ZNF732: variants seen among roughly 807,000 people sequenced by gnomAD.
The protein encoded by ZNF732 is zinc finger protein 732, also known as zinc finger protein LOC654254.
ZNF732 carries 12 observed loss-of-function variants against 11.5 expected under a neutral mutation model. The ratio of observed to expected loss-of-function variants is 1.05; its 90% CI spans 0.67 to 1.70. ZNF732 has a LOEUF of 1.70. ZNF732 is among the 40% of genes most tolerant of loss of function. The pLI is 0.00. For missense variants in ZNF732, 702 were observed against 676.9 expected (o/e 1.04, Z -0.41); for synonymous variants, 231 against 236.5 (o/e 0.98, Z 0.21).
intron 3 of ZNF732, among the ~76,000 whole-genome samples, chr4:284,891 A>AG (rs1553840428): frequency 0.032 from 4,018 of 127,072 alleles, 62 homozygotes; most frequent in African/African-American, 0.072. Context: ...AAAAAAAAAA[A>AG]AAGAAGAAGA....
Position 295,550 on chromosome 4 carries a change from A to T in ZNF732, c.131-17T>A. On this transcript the variant is annotated splice_polypyrimidine_tract_variant and intron_variant, in intron 2 of 3. Coordinates refer to ENST00000419098, the MANE Select transcript of ZNF732 (RefSeq NM_001137608.3). The stretch of plus-strand genomic sequence containing the variant: ...TAGCAACACCTGTTTATTTTAAAAA[A>T]TTAACATGCTACTGTTAGGGATTCT... 1 of 1,591,378 alleles carries T rather than the reference A, an allele frequency of 6.3e-7. No individual in the cohort carries two copies. The highest frequency in any genetic ancestry group is 2.3e-5 in the East Asian group (1 of 44,400).
intron 1 of ZNF732, among the ~76,000 whole-genome samples, chr4:299,437 A>ATATATATATATACACATATG (rs1560165207): frequency 1.7e-4 from 2 of 11,914 alleles, no homozygotes; most frequent in Non-Finnish European, 2.7e-4. Flanking sequence ...ACATATGTGT[A>ATATATATATATACACATATG]TATATATATA....
Position 304,731 on chromosome 4 carries a change from A to C in ZNF732, c.3+577T>G, listed in dbSNP as rs1184391084. ...GTGCGCGCCCACACCAGCGTATTCT[A>C]AAAGATGCCACTCAGGAACAGCCAC... On this transcript the variant is annotated intron_variant, in intron 1 of 3. Coordinates refer to ENST00000419098, the MANE Select transcript of ZNF732 (RefSeq NM_001137608.3). 7.9e-5 allele frequency among the ~76,000 whole-genome samples: 12 copies of C among 152,362 alleles called. 1 individual carries two copies. The highest frequency in any genetic ancestry group is 2.9e-4 in the African/African-American group (12 of 41,600).
chr4:296,590 G>A (rs1489429505), intron 1 of ZNF732, among the ~76,000 whole-genome samples: 2 of 152,168 alleles, frequency 1.3e-5, no homozygotes, highest in African/African-American at 2.4e-5. Context: ...AATTGTCCGT[G>A]TGATCCTACT....
At chr4:279,167 A>G (rs1295391262) in intron 3 of ZNF732, among the ~76,000 whole-genome samples, 1 of 151,922 alleles carries the variant, frequency 6.6e-6, no homozygotes, top group Non-Finnish European at 1.5e-5. Context: ...GGCCGGGTGC[A>G]GTGGCTCATG....
chr4:302,287 T>TA (rs1720133417), intron 1 of ZNF732, among the ~76,000 whole-genome samples: 1 of 152,144 alleles, frequency 6.6e-6, no homozygotes, highest in Admixed American at 6.5e-5. Flanking sequence ...TCTCCAATCC[T>TA]AAAAAACTCC....
intron 1 of ZNF732, among the ~76,000 whole-genome samples, chr4:303,193 T>G (rs1344776368): frequency 6.6e-6 from 1 of 152,192 alleles, no homozygotes; most frequent in African/African-American, 2.4e-5. Flanking sequence ...TTTTAACTTT[T>G]TGCCTACTTT....
In ZNF732 at chr4:297,091, A is replaced by G. The variant is rs1719969572; in HGVS notation, c.4-936T>C. 2.6e-5 allele frequency among the ~76,000 whole-genome samples: 4 copies of G among 152,108 alleles called. No homozygotes were observed. In the South Asian group the frequency reaches 8.3e-4, roughly 31 times the overall value. On this transcript the variant is annotated intron_variant, in intron 1 of 3. Transcript: ENST00000419098. ...GAGACCACCCTGGCCAATATGGTGA[A>G]ACCCTGTCTCTACTAAAAATACAAA...
At chr4:278,737 C>T (rs77511484) in intron 3 of ZNF732, among the ~76,000 whole-genome samples, 8 of 152,180 alleles carry the variant, frequency 5.3e-5, no homozygotes, top group Non-Finnish European at 1.0e-4. Context: ...CAGACCATGC[C>T]GAAGCTACAT....
At chr4:299,350 T>TATAC (rs1163427195) in intron 1 of ZNF732, among the ~76,000 whole-genome samples, 1 of 125,890 alleles carries the variant, frequency 7.9e-6, no homozygotes, top group South Asian at 2.3e-4. Flanking sequence ...TGAGTATATA[T>TATAC]ACACATATAT....
intron 1 of ZNF732, among the ~76,000 whole-genome samples, chr4:299,444 T>TATATACACATATGTGTATATATATACAC (rs1553843187): frequency 3.0e-5 from 1 of 33,868 alleles, no homozygotes; most frequent in Non-Finnish European, 5.6e-5. Context: ...TGTATATATA[T>TATATACACATATGTGTATATATATACAC]ATATATACAC....
At chr4:283,833 A>T (rs1285765443) in intron 3 of ZNF732, among the ~76,000 whole-genome samples, 1 of 152,240 alleles carries the variant, frequency 6.6e-6, no homozygotes, top group African/African-American at 2.4e-5. Flanking sequence ...TCTAGCATAC[A>T]TCATAAATCT....
intron 3 of ZNF732, among the ~76,000 whole-genome samples, chr4:283,664 G>T (rs1719662185): frequency 1.3e-5 from 2 of 152,172 alleles, no homozygotes; most frequent in South Asian, 2.1e-4. Context: ...AATACTGGGG[G>T]ACTATATTGC....
chr4:305,181 G>T (rs1056214462), intron 1 of ZNF732, 127 bp downstream of exon 1: 31 of 1,325,984 alleles, frequency 2.3e-5, no homozygotes, highest in Non-Finnish European at 3.0e-5. Flanking sequence ...CACCGGAAGG[G>T]ACCAAGGACT....
Position 271,856 on chromosome 4 carries a change from T to C in ZNF732, c.1001A>G (p.Tyr334Cys), listed in dbSNP as rs186579605. ...HNRIHTGEKP[Y>C]TCEECGKAFS... ...GGCTTTGCCACATTCTTCACATGTGTAGGGTTTCTCTCCAGTATGAATTCT... is the reference window on the plus strand; with the variant it reads ...GGCTTTGCCACATTCTTCACATGTGCAGGGTTTCTCTCCAGTATGAATTCT... Residue 334 changes from tyrosine (Y) to cysteine (C), a missense_variant, in exon 4 of 4, where the codon TAC becomes TGC. Tyr to Cys is a radical substitution (Grantham distance 194). This residue lies in a region of ZNF732 where 596 missense variants were observed against 557.9 expected (regional missense o/e 1.07). Transcript: ENST00000419098. The C allele has an allele frequency of 1.1e-5, 17 of 1,613,412 alleles. No individual in the cohort carries two copies. The East Asian group carries it at 2.9e-4, about 27-fold the overall frequency.
intron 3 of ZNF732, among the ~76,000 whole-genome samples, chr4:276,106 TAC>T (rs1294282188): frequency 1.3e-5 from 2 of 151,748 alleles, no homozygotes; most frequent in Non-Finnish European, 3.0e-5. Context: ...ACAAAAGTGT[TAC>T]ACACACACAA....
At chr4:286,842 T>C (rs1719740976) in intron 3 of ZNF732, among the ~76,000 whole-genome samples, 1 of 152,184 alleles carries the variant, frequency 6.6e-6, no homozygotes, top group Non-Finnish European at 1.5e-5. Flanking sequence ...ATACCTCCTT[T>C]CAGACCACAT....
chr4:284,363 G>A (rs1553840287), intron 3 of ZNF732, among the ~76,000 whole-genome samples: 1 of 152,080 alleles, frequency 6.6e-6, no homozygotes, highest in African/African-American at 2.4e-5. Flanking sequence ...AAATCAGAAA[G>A]TATCTTGAGA....
At chr4:273,255 C>T (rs1183527558) in intron 3 of ZNF732, among the ~76,000 whole-genome samples, 3 of 152,008 alleles carry the variant, frequency 2.0e-5, no homozygotes, top group Non-Finnish European at 1.5e-5. Flanking sequence ...AAGACACATC[C>T]TTCCAACATG....
Sources: allele counts gnomAD v4.1 joint callset (sites outside exome capture counted in the v4.1 genomes callset), GRCh38; gene constraint gnomAD v4.1.1; regional missense constraint gnomAD v4.1.1; transcripts MANE v1.5; gene names NCBI Gene and HGNC (gene_info 2026-07-23, HGNC 2026-07-21).